Variants in TENM3 observed in about 807,000 individuals in gnomAD.
The protein encoded by TENM3 is teneurin-3.
Under a neutral mutation model 255.1 loss-of-function variants are expected in TENM3, and 63 were observed. That is an observed-to-expected ratio of 0.25 (90% confidence interval 0.20 to 0.30). The LOEUF is 0.30. TENM3 is among the 10% of genes least tolerant of loss of function. The pLI is 1.00. For synonymous variants in TENM3, 1,306 were observed against 1,322.3 expected, an observed-to-expected ratio of 0.99 and a Z score of 0.27; for missense variants, 2,929 against 3,461.1, an observed-to-expected ratio of 0.85 and a Z score of 3.86.
At chr4:182,665,105 GGCCTGGCTTCAAA>G (rs1430193542) in intron 6 of TENM3, among the ~76,000 whole-genome samples, 5 of 152,290 alleles carry the variant, frequency 3.3e-5, no homozygotes, top group Non-Finnish European at 7.4e-5. Context: ...GAGAAGTCAA[GGCCTGGCTTCAAA>G]GCTTCCAGGG....
the TENM3 span, among the ~76,000 whole-genome samples, chr4:182,005,731 C>T: frequency 6.6e-6 from 1 of 152,016 alleles, no homozygotes; most frequent in African/African-American, 2.4e-5. Flanking sequence ...TATTTGTTTC[C>T]TCTCTGACTT....
intron 1 of TENM3, among the ~76,000 whole-genome samples, chr4:182,154,004 A>AT (rs1750521616): frequency 6.6e-6 from 1 of 151,998 alleles, no homozygotes; most frequent in Non-Finnish European, 1.5e-5. Flanking sequence ...CGTAGGGATT[A>AT]TTTTTTATTA....
At chr4:182,448,699 C>T (rs144264611) in intron 3 of TENM3, among the ~76,000 whole-genome samples, 1,739 of 152,088 alleles carry the variant, frequency 0.011, 23 homozygotes, top group Non-Finnish European at 0.016. Context: ...TGCCGCCCCG[C>T]GGGGTCTTCG....
rs560803594 is a variant in TENM3 at position 182,314,256 on chromosome 4, G to A, written c.-75-9690G>A. ...GCGGAGCTTGCAGTGAGCCGAGATC[G>A]CGCCACTACACTCCAGCCTGGGCGA... On this transcript the variant is annotated intron_variant, in intron 1 of 27. Transcript: ENST00000511685. 3.9e-4 allele frequency among the ~76,000 whole-genome samples: 59 copies of A among 151,802 alleles called. No individual in the cohort carries two copies. In the South Asian group the frequency reaches 4.6e-3, roughly 12 times the overall value.
chr4:181,957,579 G>T, the TENM3 span, among the ~76,000 whole-genome samples: 1 of 152,228 alleles, frequency 6.6e-6, no homozygotes, highest in South Asian at 2.1e-4. Context: ...ATTTAAATGT[G>T]CCAGTATATC....
intron 1 of TENM3, among the ~76,000 whole-genome samples, chr4:182,287,720 T>C (rs892391084): frequency 1.3e-5 from 2 of 151,612 alleles, no homozygotes; most frequent in African/African-American, 2.4e-5. Context: ...TTGACGCCAT[T>C]CTCCTGCCTC....
intron 4 of TENM3, among the ~76,000 whole-genome samples, chr4:182,614,051 C>T (rs1045103791): frequency 6.6e-6 from 1 of 152,206 alleles, no homozygotes; most frequent in African/African-American, 2.4e-5. Context: ...GTCTCACTAA[C>T]TCACGGTGTC....
At chr4:182,122,530 G>C in the TENM3 span, among the ~76,000 whole-genome samples, 14 of 152,168 alleles carry the variant, frequency 9.2e-5, no homozygotes, top group African/African-American at 3.4e-4. Context: ...TGTTATCAGT[G>C]AACAGTCATA....
At chr4:181,675,040 T>C in the TENM3 span, among the ~76,000 whole-genome samples, 2 of 152,156 alleles carry the variant, frequency 1.3e-5, no homozygotes, top group Non-Finnish European at 1.5e-5. Context: ...TAATGACTTA[T>C]AATTTTTAAA....
At position 182,287,839 on chromosome 4, in the gene TENM3, G is replaced by A. The variant is rs997069176; in HGVS notation, c.-75-36107G>A. 6.6e-5 allele frequency among the ~76,000 whole-genome samples: 10 copies of A among 151,986 alleles called. 1 individual carries two copies. The highest frequency in any genetic ancestry group is 1.2e-4 in the Non-Finnish European group (8 of 67,990). On this transcript the variant is annotated intron_variant, in intron 1 of 27. Coordinates refer to ENST00000511685, the MANE Select transcript of TENM3 (RefSeq NM_001080477.4). ...TCACCATATTGGCCAGGCTGGTCTC[G>A]AACTCCTGACCTCGTGATCCGCCCA...
the TENM3 span, among the ~76,000 whole-genome samples, chr4:181,811,440 A>G: frequency 6.6e-6 from 1 of 152,234 alleles, no homozygotes; most frequent in Non-Finnish European, 1.5e-5. Flanking sequence ...ATTTTGGCAT[A>G]AACTTATACA....
At chr4:181,880,027 G>A in the TENM3 span, among the ~76,000 whole-genome samples, 1 of 152,034 alleles carries the variant, frequency 6.6e-6, no homozygotes, top group Non-Finnish European at 1.5e-5. Context: ...ATTTTCATTT[G>A]CATTGCCCTT....
chr4:182,789,075 T>G lies in TENM3; in HGVS notation c.5305-18T>G. ...GAATAACATGATTTATTTTATCATC[T>G]TGTTGGTGTTGTAACAGGTTAATGG... On this transcript the variant is annotated intron_variant, in intron 24 of 27. Transcript: ENST00000511685. This position sits in a 1 kb window ranked among gnomAD's most constrained non-coding sequence, Gnocchi z 4.4. 4 of 1,585,642 alleles carry G rather than the reference T, an allele frequency of 2.5e-6. No homozygotes were observed. The highest frequency in any genetic ancestry group is 3.4e-6 in the Non-Finnish European group (4 of 1,161,206).
chr4:181,591,060 C>A, the TENM3 span, among the ~76,000 whole-genome samples: 193 of 152,332 alleles, frequency 1.3e-3, no homozygotes, highest in African/African-American at 4.4e-3. Flanking sequence ...GAGTCTTATG[C>A]AACCTTTGGT....
chr4:182,773,002 T>C (rs1351804644), intron 22 of TENM3, among the ~76,000 whole-genome samples: 1 of 152,218 alleles, frequency 6.6e-6, no homozygotes, highest in Non-Finnish European at 1.5e-5. Context: ...TGTCTGAAGA[T>C]ACTAAAAGGA....
chr4:181,894,935 T>C, the TENM3 span, among the ~76,000 whole-genome samples: 5 of 152,072 alleles, frequency 3.3e-5, no homozygotes, highest in South Asian at 1.0e-3. Context: ...ATTAGAAAAT[T>C]CATTAATTAG....
chr4:182,125,408 G>A, the TENM3 span, among the ~76,000 whole-genome samples: 1 of 152,168 alleles, frequency 6.6e-6, no homozygotes, highest in Non-Finnish European at 1.5e-5. Flanking sequence ...CTTTAACACC[G>A]GATCCATAGG....
rs921520805 is a variant in TENM3, at chr4:182,281,529, G to GT, written c.-76+38061dup. On this transcript the variant is annotated intron_variant, in intron 1 of 27. Coordinates refer to ENST00000511685, the MANE Select transcript of TENM3 (RefSeq NM_001080477.4). ...TTTGTTGTTGGTGGTGGTGGTGGTG[G>GT]TTTTTTTTGAGACAAAGGTCTTGCT... Among the ~76,000 whole-genome samples the GT allele has an allele frequency of 7.9e-5, 12 of 151,590 alleles. No individual in the cohort carries two copies. In the East Asian group the frequency reaches 1.2e-3, roughly 15 times the overall value.
intron 6 of TENM3, among the ~76,000 whole-genome samples, chr4:182,670,043 C>T (rs1755069246): frequency 6.6e-6 from 1 of 152,164 alleles, no homozygotes; most frequent in Non-Finnish European, 1.5e-5. Flanking sequence ...AGAAATTGGT[C>T]TCAGATAATT....
Sources: gnomAD v4.1 joint callset for allele counts (sites outside exome capture counted in the v4.1 genomes callset) on GRCh38, gnomAD v4.1.1 for gene constraint, Gnocchi (gnomAD v3.1) non-coding constraint, MANE v1.5 for transcripts, NCBI Gene and HGNC (gene_info 2026-07-23, HGNC 2026-07-21) for gene names.